CASP8: variants seen among roughly 807,000 people sequenced by gnomAD.
CASP8 encodes the protein caspase 8.
A neutral mutation model predicts 46.3 loss-of-function variants in CASP8; 24 were observed. The observed-to-expected ratio is 0.52, with a 90% confidence interval of 0.38 to 0.73. CASP8 has a LOEUF of 0.73. Ranked by LOEUF, CASP8 falls within the 30% of genes least tolerant of loss-of-function variation. The pLI is 0.00. For synonymous variants in CASP8, 188 were observed against 200.4 expected, an observed-to-expected ratio of 0.94 and a Z score of 0.52; for missense variants, 460 against 559.0, an observed-to-expected ratio of 0.82 and a Z score of 1.79.
rs1005035577 is a variant in CASP8 at position 201,272,100 on chromosome 2, C to G, written c.411+479C>G. ...AAGTGGTGTGTGTGTCTGTGTATCT[C>G]TGTGTGTGTGTTCTCTGTGTGGTAT... On this transcript the variant is annotated intron_variant, in intron 3 of 8. Transcript: ENST00000673742. This position sits in a 1 kb window ranked among gnomAD's most constrained non-coding sequence, Gnocchi z 4.4. 3.3e-5 allele frequency among the ~76,000 whole-genome samples: 5 copies of G among 151,122 alleles called. No homozygotes were observed. Among genetic ancestry groups the G allele is most frequent in the Non-Finnish European group, 5.9e-5 (4 of 67,716 alleles).
intron 1 of CASP8, among the ~76,000 whole-genome samples, chr2:201,261,391 C>CAA (rs11335061): frequency 0.069 from 6,074 of 88,400 alleles, 243 homozygotes; most frequent in African/African-American, 0.14. Context: ...AACTCCGTCT[C>CAA]AAAAAAAAAA....
At chr2:201,270,236 G>T (rs577811661) in intron 2 of CASP8, among the ~76,000 whole-genome samples, 6 of 152,280 alleles carry the variant, frequency 3.9e-5, no homozygotes, top group Non-Finnish European at 7.3e-5. Flanking sequence ...CATAGATTAG[G>T]AAATAGTAAC....
chr2:201,246,510 T>C (rs972770378), intron 2 of CASP8, among the ~76,000 whole-genome samples: 1 of 152,226 alleles, frequency 6.6e-6, no homozygotes, highest in African/African-American at 2.4e-5. Flanking sequence ...CATATTATTA[T>C]GCAATCATCA....
intron 8 of CASP8, 50 bp downstream of exon 8, chr2:201,285,367 CT>C (rs760174966): frequency 7.1e-5 from 114 of 1,597,854 alleles, no homozygotes; most frequent in East Asian, 2.0e-4. Flanking sequence ...CCTTCCCCCC[CT>C]ACTCCATCAC....
chr2:201,284,716 G>GGAGAGGGAGAGGGAGGC (rs1949465641), intron 7 of CASP8, 100 bp from the exon 8 acceptor site: 6 of 1,243,102 alleles, frequency 4.8e-6, no homozygotes, highest in African/African-American at 1.7e-5. Flanking sequence ...GAGGGAGAGG[G>GGAGAGGGAGAGGGAGGC]GTCAAATTCT....
Position 201,272,048 on chromosome 2 carries a change from T to C in CASP8, c.411+427T>C, listed in dbSNP as rs577974144. ...AGTGTGTGTCTGTATTTGTGTGTGA[T>C]ATGTGTATCTCTGTGTGTCTCTGTA... is the stretch of plus-strand genomic sequence containing the variant. On this transcript the variant is annotated intron_variant, in intron 3 of 8. Coordinates refer to ENST00000673742, the MANE Select transcript of CASP8 (RefSeq NM_001372051.1). This position sits in a 1 kb window ranked among gnomAD's most constrained non-coding sequence, Gnocchi z 4.4. Among the ~76,000 whole-genome samples, 54 of 152,116 alleles carry C rather than the reference T, an allele frequency of 3.5e-4. No individual in the cohort carries two copies. Among genetic ancestry groups the C allele is most frequent in the Non-Finnish European group, 7.2e-4 (49 of 67,956 alleles).
upstream of CASP8, among the ~76,000 whole-genome samples, chr2:201,256,873 C>T (rs574887951): frequency 4.6e-5 from 7 of 152,320 alleles, no homozygotes; most frequent in South Asian, 2.1e-4. Context: ...TGGCTGGGCG[C>T]GCTGCCTCAT....
intron 2 of CASP8, among the ~76,000 whole-genome samples, chr2:201,246,899 AT>A (rs200751577): frequency 4.9e-5 from 5 of 102,738 alleles, no homozygotes; most frequent in South Asian, 6.6e-4. Context: ...TTTGCTTAGA[AT>A]TTTAGGAAGA....
intron 7 of CASP8, among the ~76,000 whole-genome samples, chr2:201,283,340 G>A (rs1164190695): frequency 2.8e-5 from 2 of 72,726 alleles, no homozygotes; most frequent in South Asian, 7.8e-4. Flanking sequence ...CAGTAGGGGC[G>A]GCCGGGCAGA....
intron 2 of CASP8, chr2:201,240,518 T>G (rs1307923731): frequency 6.6e-6 from 1 of 152,108 alleles, no homozygotes; most frequent in Admixed American, 6.5e-5. Context: ...TCAGAGCACC[T>G]AAATATATGA....
At chr2:201,252,828 C>T (rs1379792870) in intron 2 of CASP8, among the ~76,000 whole-genome samples, 5 of 152,100 alleles carry the variant, frequency 3.3e-5, no homozygotes, top group Non-Finnish European at 7.4e-5. Flanking sequence ...AAATAATTGC[C>T]TAATTCATTT....
intron 2 of CASP8, among the ~76,000 whole-genome samples, chr2:201,245,392 C>A (rs1946466741): frequency 6.6e-6 from 1 of 152,060 alleles, no homozygotes; most frequent in African/African-American, 2.4e-5. Context: ...AGACACGCAC[C>A]ACCATGCCTG....
chr2:201,267,530 C>T (rs1259481180), intron 2 of CASP8, among the ~76,000 whole-genome samples: 2 of 152,042 alleles, frequency 1.3e-5, no homozygotes, highest in African/African-American at 4.8e-5. Context: ...GTTGGGTCAT[C>T]CTGCCAAAGG....
At chr2:201,256,529 G>A (rs1947026054), upstream of CASP8, among the ~76,000 whole-genome samples, 1 of 152,224 alleles carries the variant, frequency 6.6e-6, no homozygotes, top group Non-Finnish European at 1.5e-5. Context: ...TGCCCTTTAT[G>A]CACCAGTCAC....
At chr2:201,267,151 A>C (rs1454012056) in intron 2 of CASP8, among the ~76,000 whole-genome samples, 2 of 152,186 alleles carry the variant, frequency 1.3e-5, no homozygotes, top group African/African-American at 4.8e-5. Flanking sequence ...TATTTTTCAA[A>C]GTGAAACATT....
Position 201,269,423 on chromosome 2 carries a change from G to A in CASP8, c.306-2093G>A, listed in dbSNP as rs189350112. On this transcript the variant is annotated intron_variant, in intron 2 of 8. Coordinates refer to ENST00000673742, the MANE Select transcript of CASP8 (RefSeq NM_001372051.1). Reference sequence around the variant, plus strand: ...TTATAAGGCACTTATTCATTAAGGCGCCAGTTAGTCCTAAAAACCCACAGC... The same window carrying A: ...TTATAAGGCACTTATTCATTAAGGCACCAGTTAGTCCTAAAAACCCACAGC... 1,658 of 804,730 alleles carry A rather than the reference G, an allele frequency of 2.1e-3. 6 individuals are homozygous for A. The highest frequency in any genetic ancestry group is 2.9e-3 in the Non-Finnish European group (1,390 of 472,094). 49.8% of individuals were successfully genotyped at this position (804,730 alleles called of 1,614,324 possible).
intron 2 of CASP8, among the ~76,000 whole-genome samples, chr2:201,236,821 G>GTCTTGA (rs1316106046): frequency 6.6e-6 from 1 of 152,188 alleles, no homozygotes; most frequent in Non-Finnish European, 1.5e-5. Flanking sequence ...TCCCAGGCTT[G>GTCTTGA]TCTTGAACTC....
At chr2:201,270,730 C>T (rs1017140026) in intron 2 of CASP8, among the ~76,000 whole-genome samples, 1 of 152,050 alleles carries the variant, frequency 6.6e-6, no homozygotes, top group African/African-American at 2.4e-5. Context: ...TGGGGTCTTG[C>T]TATGTTGCCC....
At chr2:201,281,262 T>C (rs1343684226) in intron 7 of CASP8, among the ~76,000 whole-genome samples, 4 of 152,012 alleles carry the variant, frequency 2.6e-5, no homozygotes, top group East Asian at 1.9e-4. Flanking sequence ...TGCAGTGAGC[T>C]GAGATTGTGA....
Sources: allele counts gnomAD v4.1 joint callset (sites outside exome capture counted in the v4.1 genomes callset), GRCh38; gene constraint gnomAD v4.1.1; non-coding constraint Gnocchi (gnomAD v3.1); transcripts MANE v1.5; gene names NCBI Gene and HGNC (gene_info 2026-07-23, HGNC 2026-07-21).